The following EFR3A variants were observed in gnomAD, a reference collection of about 807,000 sequenced individuals.
EFR3A encodes EFR3 homolog A.
A neutral mutation model predicts 104.4 loss-of-function variants in EFR3A; 76 were observed. The observed-to-expected ratio is 0.73, with a 90% confidence interval of 0.60 to 0.88. EFR3A has a LOEUF of 0.88. Ranked by LOEUF, EFR3A falls within the 40% of genes least tolerant of loss-of-function variation. The pLI is 0.00. For missense variants in EFR3A, 985 were observed against 1,012.5 expected, an observed-to-expected ratio of 0.97 and a Z score of 0.37; for synonymous variants, 330 against 330.0, an observed-to-expected ratio of 1.00 and a Z score of 0.00.
chr8:131,941,571 TG>T (rs1165167649), intron 2 of EFR3A, among the ~76,000 whole-genome samples: 5 of 152,142 alleles, frequency 3.3e-5, no homozygotes, highest in South Asian at 2.1e-4. Context: ...GATATGGTAC[TG>T]CCTTGAAGGA....
At chr8:131,978,784 A>G (rs1820443896) in intron 12 of EFR3A, 63 bp from the exon 13 acceptor site, 1 of 1,244,040 alleles carries the variant, frequency 8.0e-7, no homozygotes, top group Non-Finnish European at 1.1e-6. Context: ...ATAAAAGAAT[A>G]TGAGAATTTT....
At chr8:131,990,884 G>A (rs1308102056) in intron 18 of EFR3A, among the ~76,000 whole-genome samples, 1 of 152,138 alleles carries the variant, frequency 6.6e-6, no homozygotes, top group Non-Finnish European at 1.5e-5. Flanking sequence ...GCACTTGAGT[G>A]AATGGTGTAA....
intron 2 of EFR3A, among the ~76,000 whole-genome samples, chr8:131,941,459 C>T (rs1818168281): frequency 6.6e-6 from 1 of 151,886 alleles, no homozygotes; most frequent in South Asian, 2.1e-4. Context: ...TTATTTTTAA[C>T]CAAATCTGTT....
At chr8:131,999,306 G>T (rs775743042) in intron 19 of EFR3A, among the ~76,000 whole-genome samples, 1 of 152,094 alleles carries the variant, frequency 6.6e-6, no homozygotes, top group Non-Finnish European at 1.5e-5. Flanking sequence ...GGAGAAACTT[G>T]TGTGTATGCT....
At chr8:132,005,386 C>T (rs768402088) in intron 22 of EFR3A, among the ~76,000 whole-genome samples, 2 of 151,840 alleles carry the variant, frequency 1.3e-5, no homozygotes, top group Non-Finnish European at 2.9e-5. Flanking sequence ...TTCGCTCCCA[C>T]TGTTCTTTCA....
At chr8:131,947,674 A>G (rs911087984) in intron 4 of EFR3A, among the ~76,000 whole-genome samples, 2 of 151,946 alleles carry the variant, frequency 1.3e-5, no homozygotes, top group African/African-American at 4.8e-5. Flanking sequence ...AGAGTTTTAC[A>G]GTTTAAGTTT....
intron 6 of EFR3A, 111 bp from the exon 7 acceptor site, chr8:131,955,657 A>T: frequency 9.1e-7 from 1 of 1,101,034 alleles, no homozygotes; most frequent in Non-Finnish European, 1.3e-6. Context: ...TATTTTCTGG[A>T]GTATAAAAAG....
In EFR3A at chr8:131,950,091, G is replaced by T; in HGVS notation, c.488+1G>T. 6.2e-7 allele frequency: 1 copy of T among 1,602,324 alleles called. No homozygotes were observed. The highest frequency in any genetic ancestry group is 8.5e-7 in the Non-Finnish European group (1 of 1,173,638). ...ATAGTGATCCAGAAATACGAACAGA[G>T]TATGTATTATTTTACTTTATGATCT... is the stretch of plus-strand genomic sequence containing the variant. On this transcript the variant is annotated splice_donor_variant, in intron 5 of 22. Coordinates refer to ENST00000254624, the MANE Select transcript of EFR3A (RefSeq NM_015137.6). LOFTEE classifies it high-confidence loss of function.
At chr8:131,949,132 T>C (rs1034982223) in intron 4 of EFR3A, among the ~76,000 whole-genome samples, 1 of 152,082 alleles carries the variant, frequency 6.6e-6, no homozygotes, top group African/African-American at 2.4e-5. Context: ...TAAATGATAA[T>C]ATAATTTTTG....
intron 19 of EFR3A, among the ~76,000 whole-genome samples, chr8:131,997,554 C>T (rs1821557898): frequency 6.6e-6 from 1 of 152,034 alleles, no homozygotes; most frequent in African/African-American, 2.4e-5. Flanking sequence ...CATTTTGAAA[C>T]TCAACGCATT....
At chr8:131,946,255 TGGG>T (rs1012736284) in intron 3 of EFR3A, among the ~76,000 whole-genome samples, 1 of 151,828 alleles carries the variant, frequency 6.6e-6, no homozygotes, top group African/African-American at 2.4e-5. Flanking sequence ...AAGGAGAAAA[TGGG>T]GGAATACAGT....
In EFR3A at chr8:131,976,286, T is replaced by G. The variant is rs79312794; in HGVS notation, c.1274+145T>G. On this transcript the variant is annotated intron_variant, in intron 11 of 22. Coordinates refer to ENST00000254624, the MANE Select transcript of EFR3A (RefSeq NM_015137.6). ...AAAGCAGTTAGTATTATTATGACAG[T>G]AGATTGCTAAGCAATTGAATTAGCA... 2.4e-4 allele frequency: 145 copies of G among 616,698 alleles called. 1 individual carries two copies. The East Asian group carries it at 4.2e-3, about 18-fold the overall frequency. The allele number at this position is 616,698 out of a possible 1,614,324, so 38.2% of individuals were successfully genotyped here. A position where few individuals can be genotyped will look rare whatever the true frequency, so the allele number is the denominator to read the frequency against.
chr8:132,010,845 C>A lies in EFR3A; in HGVS notation c.2416C>A (p.Gln806Lys). 1.3e-5 allele frequency: 21 copies of A among 1,612,554 alleles called. No homozygotes were observed. The highest frequency in any genetic ancestry group is 1.6e-5 in the Non-Finnish European group (19 of 1,178,924). ...LTITSGHAQYQSVPVYEMKFP... is the reference protein window; with the variant it reads ...LTITSGHAQYKSVPVYEMKFP... ...CATTACTTCTGGGCATGCCCAATAC[C>A]AATCTGTCCCAGTCTATGAGATGAA... Residue 806 changes from glutamine (Q) to lysine (K), a missense_variant, in exon 23 of 23, where the codon CAA becomes AAA. Physicochemically the swap from Gln to Lys is moderately conservative, Grantham distance 53 (BLOSUM62 1). Coordinates refer to ENST00000254624, the MANE Select transcript of EFR3A (RefSeq NM_015137.6).
At chr8:131,944,317 AATG>A (rs1362014648) in intron 2 of EFR3A, among the ~76,000 whole-genome samples, 3 of 152,124 alleles carry the variant, frequency 2.0e-5, no homozygotes, top group Non-Finnish European at 4.4e-5. Flanking sequence ...AAAAACTTAT[AATG>A]ATATCACTGA....
intron 8 of EFR3A, among the ~76,000 whole-genome samples, chr8:131,959,961 TAGGG>T (rs1819220132): frequency 6.6e-6 from 1 of 152,214 alleles, no homozygotes; most frequent in South Asian, 2.1e-4. Flanking sequence ...TGTTGTCTTT[TAGGG>T]GTTCCGAATT....
intron 18 of EFR3A, among the ~76,000 whole-genome samples, chr8:131,994,953 C>T (rs1821400065): frequency 6.6e-6 from 1 of 152,080 alleles, no homozygotes; most frequent in Non-Finnish European, 1.5e-5. Flanking sequence ...CTTTTTAGGA[C>T]TGGGAGTAGA....
At chr8:131,933,531 A>T (rs565084656) in intron 1 of EFR3A, among the ~76,000 whole-genome samples, 1 of 152,268 alleles carries the variant, frequency 6.6e-6, no homozygotes, top group African/African-American at 2.4e-5. Flanking sequence ...AGCTTTTCGA[A>T]TGAAATCTCT....
At chr8:131,941,840 C>T (rs1207034904) in intron 2 of EFR3A, among the ~76,000 whole-genome samples, 1 of 151,986 alleles carries the variant, frequency 6.6e-6, no homozygotes, top group Non-Finnish European at 1.5e-5. Flanking sequence ...AGAGAAAAGA[C>T]ATGGGAAAGC....
chr8:131,924,162 A>G (rs1294379325), intron 1 of EFR3A: 1 of 423,230 alleles, frequency 2.4e-6, no homozygotes, highest in East Asian at 7.7e-5. Context: ...TTATTACCAG[A>G]GTATGATTAT....
Sources: gnomAD v4.1 joint callset for allele counts (sites outside exome capture counted in the v4.1 genomes callset) on GRCh38, gnomAD v4.1.1 for gene constraint, MANE v1.5 for transcripts, NCBI Gene and HGNC (gene_info 2026-07-23, HGNC 2026-07-21) for gene names.